Variants in DOCK1 observed in about 807,000 individuals in gnomAD.
The protein encoded by DOCK1 is dedicator of cytokinesis protein 1.
DOCK1 carries 138 observed loss-of-function variants against 262.7 expected under a neutral mutation model. The ratio of observed to expected loss-of-function variants is 0.53; its 90% CI spans 0.46 to 0.61. The LOEUF is 0.61. Among genes scored for constraint, DOCK1 ranks in the 20% least tolerant of loss-of-function variants. The pLI, the probability that DOCK1 is intolerant of heterozygous loss-of-function variation, is 0.00. For synonymous variants in DOCK1, 866 were observed against 867.4 expected, an observed-to-expected ratio of 1.00 and a Z score of 0.03; for missense variants, 1,908 against 2,370.7, an observed-to-expected ratio of 0.80 and a Z score of 4.05.
At chr10:127,077,444 C>T (rs927204487) in intron 23 of DOCK1, among the ~76,000 whole-genome samples, 54 of 152,178 alleles carry the variant, frequency 3.5e-4, no homozygotes, top group African/African-American at 1.3e-3. Flanking sequence ...CTAAGTACTT[C>T]TCCAGCACTG....
In DOCK1 at chr10:127,290,024, A is replaced by T. The variant is rs184542500; in HGVS notation, c.3044+32595A>T. 3.2e-3 allele frequency among the ~76,000 whole-genome samples: 474 copies of T among 148,312 alleles called. 3 individuals are homozygous for T. Among genetic ancestry groups the T allele is most frequent in the Non-Finnish European group, 5.1e-3 (342 of 66,988 alleles). On this transcript the variant is annotated intron_variant, in intron 29 of 51. Transcript: ENST00000623213. ...TTTTTGTTCTCTGTTTCTGTTATGG[A>T]GTTTTCATTTGGTTATTTTTGCTAA...
intron 28 of DOCK1, among the ~76,000 whole-genome samples, chr10:127,250,665 A>G (rs11016939): frequency 0.29 from 44,441 of 150,884 alleles, 7,445 homozygotes; most frequent in South Asian, 0.55. Flanking sequence ...GTTGGGGGGC[A>G]CCTGTAATCC....
intron 31 of DOCK1, among the ~76,000 whole-genome samples, chr10:127,346,632 C>G (rs530385530): frequency 6.6e-6 from 1 of 152,270 alleles, no homozygotes; most frequent in East Asian, 1.9e-4. Flanking sequence ...AAACATTAAC[C>G]TCGAAGGGCC....
chr10:126,950,062 T>TA (rs1239858907), intron 1 of DOCK1, among the ~76,000 whole-genome samples: 5 of 151,880 alleles, frequency 3.3e-5, no homozygotes, highest in African/African-American at 1.2e-4. Context: ...CCTCATTTTT[T>TA]TTTTCCATTT....
intron 1 of DOCK1, among the ~76,000 whole-genome samples, chr10:126,906,570 C>G (rs7068258): frequency 1.3e-5 from 2 of 151,978 alleles, no homozygotes; most frequent in African/African-American, 2.4e-5. Context: ...GCCACTCGAC[C>G]CGACTGGGAA....
chr10:127,035,023 A>G (rs2043499172), intron 18 of DOCK1, among the ~76,000 whole-genome samples: 1 of 152,194 alleles, frequency 6.6e-6, no homozygotes, highest in African/African-American at 2.4e-5. Flanking sequence ...GTTGCCAGGC[A>G]ACAAGGAAAT....
intron 23 of DOCK1, among the ~76,000 whole-genome samples, chr10:127,093,245 T>TCTTTCTTTC (rs1402479133): frequency 7.3e-4 from 97 of 132,366 alleles, no homozygotes; most frequent in African/African-American, 2.5e-3. Flanking sequence ...CTTTCTTCTT[T>TCTTTCTTTC]TTTTTTTTTT....
At chr10:127,151,571 G>A (rs1165342985) in intron 27 of DOCK1, among the ~76,000 whole-genome samples, 2 of 152,134 alleles carry the variant, frequency 1.3e-5, no homozygotes, top group Non-Finnish European at 2.9e-5. Flanking sequence ...GTGACAGTCG[G>A]GTCTGCAGGC....
At chr10:127,166,680 C>T (rs2054116593) in intron 27 of DOCK1, among the ~76,000 whole-genome samples, 2 of 152,366 alleles carry the variant, frequency 1.3e-5, no homozygotes, top group East Asian at 3.9e-4. Context: ...GCTCCCTCAG[C>T]TCCAGTGGGA....
intron 29 of DOCK1, among the ~76,000 whole-genome samples, chr10:127,287,553 A>G (rs1394344059): frequency 6.6e-6 from 1 of 152,128 alleles, no homozygotes; most frequent in Non-Finnish European, 1.5e-5. Context: ...GAAATTCCAC[A>G]TTCTGGATTT....
At chr10:127,314,097 G>T (rs2062170086) in intron 29 of DOCK1, among the ~76,000 whole-genome samples, 1 of 152,170 alleles carries the variant, frequency 6.6e-6, no homozygotes, top group African/African-American at 2.4e-5. Flanking sequence ...GCACGCACTT[G>T]TTTTCACACT....
At chr10:127,170,888 A>G (rs1040619743) in intron 27 of DOCK1, among the ~76,000 whole-genome samples, 8 of 152,236 alleles carry the variant, frequency 5.3e-5, no homozygotes, top group Admixed American at 5.2e-4. Flanking sequence ...GCAAGCCCGC[A>G]CTGCATAAAG....
At chr10:127,245,636 T>C (rs906252702) in intron 27 of DOCK1, among the ~76,000 whole-genome samples, 5 of 152,232 alleles carry the variant, frequency 3.3e-5, no homozygotes, top group African/African-American at 1.2e-4. Context: ...TTTCTCCGCA[T>C]GACGTGACAG....
intron 23 of DOCK1, among the ~76,000 whole-genome samples, chr10:127,075,910 T>C (rs1283394474): frequency 6.6e-6 from 1 of 152,180 alleles, no homozygotes; most frequent in East Asian, 1.9e-4. Flanking sequence ...TTTATACTTT[T>C]ATTATTTACC....
chr10:127,094,135 A>G (rs1391027209), intron 23 of DOCK1, among the ~76,000 whole-genome samples: 1 of 152,182 alleles, frequency 6.6e-6, no homozygotes, highest in African/African-American at 2.4e-5. Context: ...TAGAGGCTGC[A>G]GTGAGTTGTG....
chr10:127,440,725 C>G (rs917779520), intron 49 of DOCK1, among the ~76,000 whole-genome samples: 2 of 152,250 alleles, frequency 1.3e-5, no homozygotes, highest in African/African-American at 4.8e-5. Context: ...TGACGTCCAA[C>G]AGGCCAGCGC....
At position 127,345,825 on chromosome 10, in the gene DOCK1, C is replaced by A. The variant is rs573474129; in HGVS notation, c.3224+2079C>A. Among the ~76,000 whole-genome samples the A allele has an allele frequency of 3.3e-5, 5 of 152,214 alleles. No homozygotes were observed. The South Asian group carries it at 1.0e-3, about 32-fold the overall frequency. On this transcript the variant is annotated intron_variant, in intron 31 of 51. Coordinates refer to ENST00000623213, the MANE Select transcript of DOCK1 (RefSeq NM_001290223.2). ...GCTCCTGCTTTGTGGAATGCACGCT[C>A]CCTCAGGGCCCAGGGGAAGGGAGGG... is the stretch of plus-strand genomic sequence containing the variant.
chr10:127,137,663 C>T (rs1592166319), intron 27 of DOCK1: 1 of 534,540 alleles, frequency 1.9e-6, no homozygotes, highest in Non-Finnish European at 3.2e-6. Context: ...CACAGAATAC[C>T]TTGCTTCTGT....
At chr10:127,143,320 G>A (rs115204209) in intron 27 of DOCK1, among the ~76,000 whole-genome samples, 2,839 of 152,260 alleles carry the variant, frequency 0.019, 77 homozygotes, top group African/African-American at 0.06. Flanking sequence ...CATGTGGCTC[G>A]GTGGCCAGCA....
Sources: allele counts gnomAD v4.1 joint callset (sites outside exome capture counted in the v4.1 genomes callset), GRCh38; gene constraint gnomAD v4.1.1; transcripts MANE v1.5; gene names NCBI Gene and HGNC (gene_info 2026-07-23, HGNC 2026-07-21).